The following TEX14 variants were observed in gnomAD, a reference collection of about 807,000 sequenced individuals.
TEX14 encodes testis expressed 14, intercellular bridge forming factor.
In TEX14, 168 loss-of-function variants were observed where a neutral mutation model predicts 178.6. The observed-to-expected ratio is 0.94, with a 90% confidence interval of 0.83 to 1.07. The LOEUF (loss-of-function observed/expected upper bound fraction) is 1.07, where lower values mean the gene tolerates loss of function less well. Ranked by LOEUF, TEX14 falls within the 50% of genes least tolerant of loss-of-function variation. The pLI is 0.00. For missense variants in TEX14, 1,730 were observed against 1,753.6 expected (o/e 0.99, Z 0.24); for synonymous variants, 626 against 634.1 (o/e 0.99, Z 0.19).
At chr17:58,670,865 A>C (rs1411923696) in intron 1 of TEX14, among the ~76,000 whole-genome samples, 2 of 152,086 alleles carry the variant, frequency 1.3e-5, no homozygotes, top group African/African-American at 4.8e-5. Flanking sequence ...TTACCACAAT[A>C]AAATGATAGA....
chr17:58,647,839 A>C (rs979143261), intron 2 of TEX14, among the ~76,000 whole-genome samples: 1 of 152,060 alleles, frequency 6.6e-6, no homozygotes, highest in African/African-American at 2.4e-5. Flanking sequence ...CTGGGACTAC[A>C]GGCATGTGCC....
intron 2 of TEX14, among the ~76,000 whole-genome samples, chr17:58,635,794 C>T (rs1012471695): frequency 2.6e-5 from 4 of 151,690 alleles, no homozygotes; most frequent in Admixed American, 2.0e-4. Flanking sequence ...TGCAGTGGTG[C>T]GATCTTGGCT....
intron 22 of TEX14, among the ~76,000 whole-genome samples, chr17:58,573,649 G>C (rs2044596696): frequency 6.6e-6 from 1 of 152,090 alleles, no homozygotes; most frequent in Non-Finnish European, 1.5e-5. Flanking sequence ...CTCCTGGGTA[G>C]CTGGGACTAC....
chr17:58,676,430 G>A (rs1343165895), intron 1 of TEX14, among the ~76,000 whole-genome samples: 1 of 151,626 alleles, frequency 6.6e-6, no homozygotes, highest in Non-Finnish European at 1.5e-5. Context: ...CGTGGTGGCA[G>A]GCGTCTGTAA....
intron 15 of TEX14, among the ~76,000 whole-genome samples, chr17:58,588,636 G>A (rs2045041805): frequency 6.6e-6 from 1 of 152,204 alleles, no homozygotes; most frequent in South Asian, 2.1e-4. Flanking sequence ...AGAACATTCA[G>A]AGACCTTCAA....
At chr17:58,661,557 G>T (rs2047111057) in intron 1 of TEX14, 2 of 751,256 alleles carry the variant, frequency 2.7e-6, no homozygotes, top group Non-Finnish European at 2.5e-6. Flanking sequence ...AACAGCTCGG[G>T]GAGCCGCGGC....
intron 17 of TEX14, 73 bp from the exon 18 acceptor site, chr17:58,586,155 A>C (rs2144413255): frequency 1.4e-6 from 2 of 1,435,690 alleles, no homozygotes; most frequent in Non-Finnish European, 1.9e-6. Context: ...TCTAAAAGAA[A>C]TACATAATAC....
chr17:58,660,314 T>A, intron 1 of TEX14: 1 of 194,368 alleles, frequency 5.1e-6, no homozygotes, highest in Non-Finnish European at 1.0e-5. Flanking sequence ...GGCAGGAGAA[T>A]CTCTTGAATC....
intron 1 of TEX14, among the ~76,000 whole-genome samples, chr17:58,664,347 T>A (rs76668249): frequency 6.6e-6 from 1 of 152,210 alleles, no homozygotes; most frequent in Non-Finnish European, 1.5e-5. Flanking sequence ...ACAGACCCTT[T>A]TTCCTATGCT....
At chr17:58,588,376 C>T (rs534666045) in intron 15 of TEX14, among the ~76,000 whole-genome samples, 1 of 152,356 alleles carries the variant, frequency 6.6e-6, no homozygotes, top group South Asian at 2.1e-4. Flanking sequence ...TCACTGCAAC[C>T]TCCGCCTCCT....
rs187545319 is a variant in TEX14, at chr17:58,606,423, G to A, written c.1185-1294C>T. Among the ~76,000 whole-genome samples, 354 of 152,210 alleles carry A rather than the reference G, an allele frequency of 2.3e-3. 7 individuals carry two copies. Among genetic ancestry groups the A allele is most frequent in the Non-Finnish European group, 2.4e-4 (16 of 67,982 alleles). On this transcript the variant is annotated intron_variant, in intron 10 of 31. Transcript: ENST00000349033. ...GTGACAGCAAGTTTTTTGTTGGTCTGGAAAAAGGATAGATTTTAGACGATG... is the reference window on the plus strand; with the variant it reads ...GTGACAGCAAGTTTTTTGTTGGTCTAGAAAAAGGATAGATTTTAGACGATG...
intron 1 of TEX14, among the ~76,000 whole-genome samples, chr17:58,669,508 T>C (rs1037120459): frequency 6.0e-5 from 9 of 150,776 alleles, no homozygotes. Context: ...CGAGGTTAAG[T>C]GGATCATTTG....
Position 58,571,941 on chromosome 17 carries a change from G to T in TEX14, c.3697C>A (p.Pro1233Thr), listed in dbSNP as rs141531297. 1.2e-6 allele frequency: 2 copies of T among 1,614,076 alleles called. No individual in the cohort carries two copies. The highest frequency in any genetic ancestry group is 4.5e-5 in the East Asian group (2 of 44,876). The change falls in exon 24 of 32, where the codon CCT becomes ACT. Residue 1233 changes from proline (P) to threonine (T), a missense_variant. Physicochemically the swap from Pro to Thr is conservative, Grantham distance 38 (BLOSUM62 -1). Transcript: ENST00000349033. ...DSLLTSSETP[P>T]SRLTGLKRLS... Reference sequence around the variant, plus strand: ...CTTACAAGACCAGTCAGTCTTGAAGGGGGAGTTTCAGAGGAAGTAAGGAGA... The same window carrying T: ...CTTACAAGACCAGTCAGTCTTGAAGTGGGAGTTTCAGAGGAAGTAAGGAGA...
In TEX14 at chr17:58,683,891, C is replaced by T. The variant is rs182775644; in HGVS notation, c.-2+8048G>A. On this transcript the variant is annotated intron_variant, in intron 1 of 31. Transcript: ENST00000349033. ...ACTATCCTGGCCAACATGATGAAAC[C>T]CCATCTCTACTAAAAATACAAAAAT... Among the ~76,000 whole-genome samples the T allele has an allele frequency of 1.2e-3, 175 of 151,140 alleles. 1 individual carries two copies. The highest frequency in any genetic ancestry group is 6.9e-3 in the Middle Eastern group (2 of 288).
intron 3 of TEX14, 99 bp from the exon 4 acceptor site, chr17:58,623,111 C>T (rs1200486149): frequency 9.0e-7 from 1 of 1,113,240 alleles, no homozygotes; most frequent in East Asian, 2.5e-5. Context: ...TTCTACAAGG[C>T]AACGTTGGTG....
rs543550017 is a variant in TEX14 at position 58,613,672 on chromosome 17, T to TC, written c.882-129_882-128insG. On this transcript the variant is annotated intron_variant, in intron 8 of 31. Coordinates refer to ENST00000349033, the MANE Select transcript of TEX14 (RefSeq NM_031272.5). Reference sequence around the variant, plus strand: ...TACGATGTTTTCTTTTCTTTTCTTTTTTTTTTGACACAGAGTCTCACTGTA... The same window carrying TC: ...TACGATGTTTTCTTTTCTTTTCTTTTCTTTTTTGACACAGAGTCTCACTGTA... 519 of 1,057,970 alleles carry TC rather than the reference T, an allele frequency of 4.9e-4. 1 individual carries two copies. The highest frequency in any genetic ancestry group is 4.2e-3 in the African/African-American group (264 of 62,158). The allele number at this position is 1,057,970 out of a possible 1,614,324, so 65.5% of individuals were successfully genotyped here. A position where few individuals can be genotyped will look rare whatever the true frequency, so the allele number is the denominator to read the frequency against.
rs528821690 is a variant in TEX14, at chr17:58,636,029, GCCA to G, written c.137-5478_137-5476del. ...CAAAGTGTTAGGATTACAGGCGTGA[GCCA>G]CCGCGTCCCAAGGGCTTCTCTAAGG... On this transcript the variant is annotated intron_variant, in intron 2 of 31. Transcript: ENST00000349033. Among the ~76,000 whole-genome samples the G allele has an allele frequency of 3.0e-3, 456 of 152,268 alleles. 4 individuals are homozygous for G. The highest frequency in any genetic ancestry group is 0.011 in the African/African-American group (441 of 41,554).
At chr17:58,596,691 C>G (rs1169661092) in intron 14 of TEX14, among the ~76,000 whole-genome samples, 1 of 151,248 alleles carries the variant, frequency 6.6e-6, no homozygotes, top group Non-Finnish European at 1.5e-5. Context: ...TGAGAGCAGC[C>G]TGGGCAACAT....
rs1225507099 is a variant in TEX14 at position 58,599,279 on chromosome 17, G to C, written c.2066C>G (p.Ser689Cys). 6.2e-7 allele frequency: 1 copy of C among 1,613,410 alleles called. No homozygotes were observed. Among genetic ancestry groups the C allele is most frequent in the Non-Finnish European group, 8.5e-7 (1 of 1,180,030 alleles). ...GTTTTGCCAGTCCCAGTCATCAAAAGAGTACTCTGTCTCAGCTTTTGAAGA... is the reference window on the plus strand; with the variant it reads ...GTTTTGCCAGTCCCAGTCATCAAAACAGTACTCTGTCTCAGCTTTTGAAGA... ...ESSSKAETEYSFDDWDWQNGS... is the reference protein window; with the variant it reads ...ESSSKAETEYCFDDWDWQNGS... The change falls in exon 14 of 32, where the codon TCT becomes TGT. Residue 689 changes from serine (S) to cysteine (C), a missense_variant. By Grantham distance (112) the Ser-to-Cys change is moderately radical. Around this residue, in one of 2 missense-constraint regions of TEX14, gnomAD observed 941 missense variants for 1,072.4 expected, o/e 0.88. Coordinates refer to ENST00000349033, the MANE Select transcript of TEX14 (RefSeq NM_031272.5).
Sources: allele counts gnomAD v4.1 joint callset (sites outside exome capture counted in the v4.1 genomes callset), GRCh38; gene constraint gnomAD v4.1.1; regional missense constraint gnomAD v4.1.1; transcripts MANE v1.5; gene names NCBI Gene and HGNC (gene_info 2026-07-23, HGNC 2026-07-21).